The following CDKAL1 variants were observed in gnomAD, a reference collection of about 807,000 sequenced individuals.
CDKAL1 encodes CDKAL1 threonylcarbamoyladenosine tRNA methylthiotransferase, also known as threonylcarbamoyladenosine tRNA methylthiotransferase.
Under a neutral mutation model 68.2 loss-of-function variants are expected in CDKAL1, and 32 were observed. The observed-to-expected ratio is 0.47, with a 90% CI of 0.35 to 0.63. The LOEUF (loss-of-function observed/expected upper bound fraction) is 0.63. Ranked by LOEUF, CDKAL1 falls within the 30% of genes least tolerant of loss-of-function variation. The probability of loss-of-function intolerance (pLI) is 0.00; values close to 1 mark genes in which losing one functional copy is unlikely to be tolerated. For synonymous variants in CDKAL1, 234 were observed against 244.3 expected (o/e 0.96, Z 0.39); for missense variants, 606 against 696.7 (o/e 0.87, Z 1.47).
chr6:20,592,342 C>G (rs906392923), intron 4 of CDKAL1, among the ~76,000 whole-genome samples: 1 of 152,156 alleles, frequency 6.6e-6, no homozygotes, highest in Non-Finnish European at 1.5e-5. Context: ...ATTCGAATAC[C>G]CTTTATTTCT....
chr6:20,966,149 A>G (rs1199965443), intron 10 of CDKAL1, among the ~76,000 whole-genome samples: 2 of 152,184 alleles, frequency 1.3e-5, no homozygotes, highest in South Asian at 2.1e-4. Context: ...GACATTCTGC[A>G]TATTTGTCAG....
chr6:20,613,277 T>C (rs1371670002), intron 4 of CDKAL1, among the ~76,000 whole-genome samples: 1 of 39,322 alleles, frequency 2.5e-5, no homozygotes, highest in African/African-American at 8.4e-5. Flanking sequence ...TTTTTTTTTT[T>C]TTTTTTTTTT....
intron 10 of CDKAL1, among the ~76,000 whole-genome samples, chr6:20,992,014 A>G: frequency 8.7e-6 from 1 of 114,994 alleles, no homozygotes; most frequent in Admixed American, 8.9e-5. Context: ...CTTTTCCCCC[A>G]CCTTTTTTTT....
chr6:21,141,710 A>G (rs570902795), intron 13 of CDKAL1, among the ~76,000 whole-genome samples: 14 of 152,304 alleles, frequency 9.2e-5, no homozygotes, highest in African/African-American at 3.1e-4. Context: ...GAAGGGGTAG[A>G]GAAATTATCC....
intron 11 of CDKAL1, among the ~76,000 whole-genome samples, chr6:21,007,477 T>A (rs1767789294): frequency 1.4e-5 from 1 of 73,740 alleles, no homozygotes; most frequent in Non-Finnish European, 2.4e-5. Context: ...AGCAAGACCC[T>A]GTCTCAAAAA....
At chr6:20,683,807 T>C (rs1035493775) in intron 5 of CDKAL1, among the ~76,000 whole-genome samples, 2 of 152,238 alleles carry the variant, frequency 1.3e-5, no homozygotes, top group Non-Finnish European at 2.9e-5. Flanking sequence ...AATAATGACA[T>C]GTATCCACCA....
chr6:21,077,840 TTCAAGC>T (rs1161586418), intron 12 of CDKAL1, among the ~76,000 whole-genome samples: 45 of 152,184 alleles, frequency 3.0e-4, no homozygotes, highest in Non-Finnish European at 2.9e-4. Context: ...TGCAATTAAG[TTCAAGC>T]TCTTGAGATG....
chr6:21,227,930 A>T (rs961522402), intron 15 of CDKAL1, among the ~76,000 whole-genome samples: 3 of 152,218 alleles, frequency 2.0e-5, no homozygotes, highest in Non-Finnish European at 4.4e-5. Context: ...CAGGCCAAGA[A>T]GGCGCAGTAC....
At chr6:20,990,535 C>G (rs1198229528) in intron 10 of CDKAL1, among the ~76,000 whole-genome samples, 1 of 152,186 alleles carries the variant, frequency 6.6e-6, no homozygotes, top group Non-Finnish European at 1.5e-5. Flanking sequence ...AAGAGAATTT[C>G]CTGTTACAGT....
rs1763429659 is a variant in CDKAL1, at chr6:20,931,064, C to T, written c.743-24355C>T. ...GGCTGCGTATCTTAATCTCATAGACCAGGAAACCTAAGCTCAGAGACCAGT... is the reference window on the plus strand; with the variant it reads ...GGCTGCGTATCTTAATCTCATAGACTAGGAAACCTAAGCTCAGAGACCAGT... On this transcript the variant is annotated intron_variant, in intron 9 of 15. Coordinates refer to ENST00000274695, the MANE Select transcript of CDKAL1 (RefSeq NM_017774.3). Among the ~76,000 whole-genome samples, 2 of 152,118 alleles carry T rather than the reference C, an allele frequency of 1.3e-5. 1 individual carries two copies. Among genetic ancestry groups the T allele is most frequent in the South Asian group, 4.1e-4 (2 of 4,822 alleles).
chr6:20,672,280 T>TCTC (rs1562014266), intron 5 of CDKAL1, among the ~76,000 whole-genome samples: 2 of 125,012 alleles, frequency 1.6e-5, no homozygotes, highest in African/African-American at 6.8e-5. Context: ...TTTTCTTTCT[T>TCTC]TCTCTCTCTC....
At chr6:20,786,502 T>TTC (rs1775680059) in intron 8 of CDKAL1, among the ~76,000 whole-genome samples, 1 of 137,484 alleles carries the variant, frequency 7.3e-6, no homozygotes, top group East Asian at 2.1e-4. Flanking sequence ...ATCTTTTTTT[T>TTC]TTTTTTTTTT....
chr6:21,126,477 A>G (rs1775020136), intron 13 of CDKAL1, among the ~76,000 whole-genome samples: 1 of 152,150 alleles, frequency 6.6e-6, no homozygotes, highest in Non-Finnish European at 1.5e-5. Context: ...ACCCATTCCC[A>G]TCTCAGCTGA....
chr6:20,846,973 T>C (rs1043653781), intron 9 of CDKAL1, among the ~76,000 whole-genome samples: 1 of 152,232 alleles, frequency 6.6e-6, no homozygotes, highest in African/African-American at 2.4e-5. Context: ...TACTTTTCTT[T>C]TTGTCAAGTA....
chr6:20,761,803 A>G (rs2150352874), intron 7 of CDKAL1, among the ~76,000 whole-genome samples: 1 of 152,302 alleles, frequency 6.6e-6, no homozygotes, highest in African/African-American at 2.4e-5. Flanking sequence ...GAAGATATTT[A>G]TGACAGTAAT....
At chr6:20,972,252 C>G (rs543714446) in intron 10 of CDKAL1, among the ~76,000 whole-genome samples, 1 of 152,224 alleles carries the variant, frequency 6.6e-6, no homozygotes, top group Non-Finnish European at 1.5e-5. Flanking sequence ...TCTGCATACT[C>G]TTCTTGTTCC....
chr6:21,041,796 T>C (rs1769947456), intron 11 of CDKAL1, among the ~76,000 whole-genome samples: 1 of 152,176 alleles, frequency 6.6e-6, no homozygotes, highest in African/African-American at 2.4e-5. Flanking sequence ...TAGCATACAG[T>C]CTGGTAAAAT....
At chr6:21,205,318 A>C (rs796927276) in intron 15 of CDKAL1, among the ~76,000 whole-genome samples, 11 of 135,260 alleles carry the variant, frequency 8.1e-5, no homozygotes, top group African/African-American at 3.1e-4. Flanking sequence ...ATATTTGTGC[A>C]GAAATAAGAT....
intron 15 of CDKAL1, among the ~76,000 whole-genome samples, chr6:21,225,933 T>G (rs1779723614): frequency 1.3e-5 from 2 of 152,228 alleles, no homozygotes; most frequent in Non-Finnish European, 2.9e-5. Flanking sequence ...AATCTATATA[T>G]ATCTAATTTA....
Sources: gnomAD v4.1 joint callset for allele counts (sites outside exome capture counted in the v4.1 genomes callset) on GRCh38, gnomAD v4.1.1 for gene constraint, MANE v1.5 for transcripts, NCBI Gene and HGNC (gene_info 2026-07-23, HGNC 2026-07-21) for gene names.